The following GMDS variants were observed in gnomAD, a reference collection of about 807,000 sequenced individuals.
The protein encoded by GMDS is GDP-mannose 4,6-dehydratase.
GMDS carries 20 observed loss-of-function variants against 49.9 expected under a neutral mutation model. The ratio of observed to expected loss-of-function variants is 0.40; its 90% CI spans 0.28 to 0.58. The LOEUF is 0.58. GMDS is among the 20% of genes least tolerant of loss of function. The pLI is 0.42. For synonymous variants in GMDS, 177 were observed against 178.6 expected, an observed-to-expected ratio of 0.99 and a Z score of 0.07; for missense variants, 362 against 481.4, an observed-to-expected ratio of 0.75 and a Z score of 2.32.
chr6:2,001,948 T>G (rs1766843893), intron 4 of GMDS, among the ~76,000 whole-genome samples: 1 of 152,170 alleles, frequency 6.6e-6, no homozygotes, highest in African/African-American at 2.4e-5. Context: ...ATTCACTATT[T>G]GCCACCAATT....
rs147094107 is a variant in GMDS at position 2,173,677 on chromosome 6, T to A, written c.103-48946A>T. On this transcript the variant is annotated intron_variant, in intron 1 of 10. Coordinates refer to ENST00000380815, the MANE Select transcript of GMDS (RefSeq NM_001500.4). The stretch of plus-strand genomic sequence containing the variant: ...ATTCCCTGATTGCTTATAAAGGCTG[T>A]GGTTGCTTGTAGTTCTGATAATCAA... 2.4e-3 allele frequency among the ~76,000 whole-genome samples: 367 copies of A among 152,368 alleles called. 3 individuals carry two copies. In the East Asian group the frequency reaches 0.025, roughly 10 times the overall value.
intron 1 of GMDS, among the ~76,000 whole-genome samples, chr6:2,152,180 A>G (rs1213812833): frequency 6.6e-6 from 1 of 152,170 alleles, no homozygotes; most frequent in Non-Finnish European, 1.5e-5. Flanking sequence ...ATGATGTTTA[A>G]AGTCCTTTAT....
intron 1 of GMDS, among the ~76,000 whole-genome samples, chr6:2,155,217 C>G (rs11961660): frequency 6.6e-6 from 1 of 152,090 alleles, no homozygotes; most frequent in Non-Finnish European, 1.5e-5. Flanking sequence ...GATATTTGTC[C>G]TTAACACTCA....
intron 4 of GMDS, among the ~76,000 whole-genome samples, chr6:1,982,445 CT>C (rs1423042793): frequency 9.2e-5 from 14 of 152,158 alleles, no homozygotes; most frequent in African/African-American, 2.9e-4. Flanking sequence ...ATCAAACTAT[CT>C]TTGTTTGCAG....
chr6:2,000,019 AT>A (rs1766677921), intron 4 of GMDS, among the ~76,000 whole-genome samples: 2 of 30,186 alleles, frequency 6.6e-5, no homozygotes, highest in African/African-American at 2.7e-4. Flanking sequence ...TTTTTTATAT[AT>A]ATATATATCT....
intron 7 of GMDS, among the ~76,000 whole-genome samples, chr6:1,914,099 T>C (rs1179983840): frequency 6.6e-6 from 1 of 150,928 alleles, no homozygotes; most frequent in Non-Finnish European, 1.5e-5. Context: ...ACATAGAACG[T>C]GTGTCAATTA....
chr6:1,810,228 G>T (rs1296209881), intron 7 of GMDS, among the ~76,000 whole-genome samples: 1 of 152,186 alleles, frequency 6.6e-6, no homozygotes, highest in Non-Finnish European at 1.5e-5. Context: ...ACCAGAGGGA[G>T]GGAACTCAGC....
At chr6:2,042,186 G>A (rs914286796) in intron 4 of GMDS, among the ~76,000 whole-genome samples, 1 of 152,128 alleles carries the variant, frequency 6.6e-6, no homozygotes, top group Non-Finnish European at 1.5e-5. Flanking sequence ...TTGCATTTAC[G>A]GGTGTTCCAC....
intron 9 of GMDS, among the ~76,000 whole-genome samples, chr6:1,680,806 C>T (rs4060649): frequency 0.23 from 34,993 of 152,062 alleles, 4,279 homozygotes; most frequent in East Asian, 0.49. Flanking sequence ...TATAATAGGG[C>T]CTGGTGCCTG....
intron 1 of GMDS, among the ~76,000 whole-genome samples, chr6:2,238,168 C>T (rs1165907082): frequency 6.7e-6 from 1 of 150,232 alleles, no homozygotes; most frequent in Admixed American, 6.7e-5. Context: ...CAGAGGATTG[C>T]TTGAGGCCAG....
At chr6:2,204,283 T>C (rs1779685933) in intron 1 of GMDS, among the ~76,000 whole-genome samples, 1 of 152,206 alleles carries the variant, frequency 6.6e-6, no homozygotes, top group Non-Finnish European at 1.5e-5. Flanking sequence ...ATCTCCCTTC[T>C]TCCCCCAAAT....
intron 6 of GMDS, among the ~76,000 whole-genome samples, chr6:1,944,208 C>G (rs1194871776): frequency 6.6e-6 from 1 of 152,166 alleles, no homozygotes; most frequent in Admixed American, 6.5e-5. Context: ...AGAGCCACTT[C>G]CTAAAATTTC....
intron 7 of GMDS, among the ~76,000 whole-genome samples, chr6:1,808,397 C>T (rs1770270453): frequency 6.6e-6 from 1 of 152,170 alleles, no homozygotes; most frequent in Admixed American, 6.5e-5. Context: ...ATACTGAAGT[C>T]TTACTTGTCC....
chr6:2,201,270 T>C (rs1191455472), intron 1 of GMDS, among the ~76,000 whole-genome samples: 3 of 111,756 alleles, frequency 2.7e-5, no homozygotes, highest in African/African-American at 1.0e-4. Flanking sequence ...AGCAGAGAGG[T>C]GAAGGATGAA....
At chr6:2,228,691 C>T (rs1385425091) in intron 1 of GMDS, among the ~76,000 whole-genome samples, 1 of 152,288 alleles carries the variant, frequency 6.6e-6, no homozygotes, top group East Asian at 1.9e-4. Flanking sequence ...TTAGTTCCTG[C>T]GCCATAATGT....
intron 4 of GMDS, among the ~76,000 whole-genome samples, chr6:1,972,526 A>G (rs555046137): frequency 6.6e-6 from 1 of 152,244 alleles, no homozygotes; most frequent in Non-Finnish European, 1.5e-5. Context: ...TTATTATAGC[A>G]GGAATACTTA....
At chr6:1,774,090 A>T (rs1441882049) in intron 7 of GMDS, among the ~76,000 whole-genome samples, 1 of 152,266 alleles carries the variant, frequency 6.6e-6, no homozygotes, top group Non-Finnish European at 1.5e-5. Context: ...GCTCCTTAAA[A>T]AATTCCCAAA....
chr6:1,891,584 T>C (rs1759870996), intron 7 of GMDS, among the ~76,000 whole-genome samples: 1 of 152,242 alleles, frequency 6.6e-6, no homozygotes, highest in South Asian at 2.1e-4. Context: ...GAGAGGCTAA[T>C]TTTTAAAACT....
At chr6:2,065,621 A>T (rs1220562194) in intron 4 of GMDS, among the ~76,000 whole-genome samples, 1 of 152,220 alleles carries the variant, frequency 6.6e-6, no homozygotes, top group Non-Finnish European at 1.5e-5. Context: ...CTACGTGAAG[A>T]ATGCAGAAGC....
Sources: gnomAD v4.1 joint callset for allele counts (sites outside exome capture counted in the v4.1 genomes callset) on GRCh38, gnomAD v4.1.1 for gene constraint, MANE v1.5 for transcripts, NCBI Gene and HGNC (gene_info 2026-07-23, HGNC 2026-07-21) for gene names.